Variants in AGBL4 observed in about 807,000 individuals in gnomAD.
AGBL4 encodes the protein AGBL carboxypeptidase 4.
Under a neutral mutation model 66.4 loss-of-function variants are expected in AGBL4, and 58 were observed. That is an observed-to-expected ratio of 0.87 (90% CI 0.71 to 1.09). The LOEUF is 1.09. AGBL4 is among the 50% of genes least tolerant of loss of function. The pLI is 0.00. For synonymous variants in AGBL4, 234 were observed against 222.9 expected, an observed-to-expected ratio of 1.05 and a Z score of -0.44; for missense variants, 579 against 631.0, an observed-to-expected ratio of 0.92 and a Z score of 0.88.
chr1:48,965,346 G>A (rs75607121), intron 5 of AGBL4, among the ~76,000 whole-genome samples: 1,922 of 152,212 alleles, frequency 0.013, 38 homozygotes, highest in African/African-American at 0.041. Flanking sequence ...GACATAGAGG[G>A]ATGAGGATAA....
intron 1 of AGBL4, among the ~76,000 whole-genome samples, chr1:49,973,077 C>T (rs1338095085): frequency 2.0e-5 from 3 of 152,162 alleles, no homozygotes; most frequent in Admixed American, 2.0e-4. Context: ...GTGCACAGGG[C>T]CACTGCCAGC....
At chr1:48,890,218 G>C (rs972381221) in intron 5 of AGBL4, among the ~76,000 whole-genome samples, 4 of 152,196 alleles carry the variant, frequency 2.6e-5, no homozygotes, top group African/African-American at 9.6e-5. Flanking sequence ...CTACCAAGGA[G>C]GTCCCCCTCT....
At chr1:49,304,013 T>G (rs941066205) in intron 3 of AGBL4, among the ~76,000 whole-genome samples, 3 of 152,236 alleles carry the variant, frequency 2.0e-5, no homozygotes, top group Non-Finnish European at 4.4e-5. Context: ...TTTTTGCTTT[T>G]GTTGCCATTG....
chr1:49,237,879 T>C (rs1321654690), intron 4 of AGBL4, among the ~76,000 whole-genome samples: 1 of 152,140 alleles, frequency 6.6e-6, no homozygotes, highest in Non-Finnish European at 1.5e-5. Flanking sequence ...ACCATTCTTT[T>C]AGAATAAGTC....
intron 1 of AGBL4, among the ~76,000 whole-genome samples, chr1:49,916,510 G>T (rs879939811): frequency 2.6e-5 from 4 of 152,160 alleles, no homozygotes; most frequent in Non-Finnish European, 5.9e-5. Flanking sequence ...TGAATGAAAT[G>T]AAGTGACAAG....
intron 5 of AGBL4, among the ~76,000 whole-genome samples, chr1:49,032,225 T>C (rs1664287310): frequency 6.6e-6 from 1 of 152,142 alleles, no homozygotes; most frequent in Non-Finnish European, 1.5e-5. Flanking sequence ...CAGACCATGT[T>C]AAGAATTTGA....
At chr1:49,877,165 G>C (rs1363336257) in intron 1 of AGBL4, among the ~76,000 whole-genome samples, 4 of 151,346 alleles carry the variant, frequency 2.6e-5, no homozygotes, top group Non-Finnish European at 5.9e-5. Context: ...TCTCCTGTGT[G>C]ATTGCCCTGG....
chr1:49,025,038 A>C (rs1383570606), intron 5 of AGBL4, among the ~76,000 whole-genome samples: 1 of 152,192 alleles, frequency 6.6e-6, no homozygotes, highest in Non-Finnish European at 1.5e-5. Flanking sequence ...GAAGAGTTTG[A>C]GTAACTGGCC....
intron 6 of AGBL4, among the ~76,000 whole-genome samples, chr1:48,705,488 T>G (rs1297426344): frequency 1.3e-5 from 2 of 152,242 alleles, no homozygotes; most frequent in South Asian, 4.1e-4. Context: ...ATACATTGTC[T>G]CATCTAATTC....
chr1:49,389,747 C>T (rs1029633200), intron 3 of AGBL4, among the ~76,000 whole-genome samples: 2 of 152,156 alleles, frequency 1.3e-5, no homozygotes, highest in African/African-American at 2.4e-5. Flanking sequence ...CTCTGTGGTC[C>T]TGTGCTCTTG....
intron 3 of AGBL4, among the ~76,000 whole-genome samples, chr1:49,387,962 G>C (rs889975050): frequency 1.3e-5 from 2 of 152,022 alleles, no homozygotes; most frequent in Non-Finnish European, 2.9e-5. Context: ...CAAGTTATAA[G>C]AGTCAGTTCA....
At chr1:48,934,207 T>C (rs1369017607) in intron 5 of AGBL4, among the ~76,000 whole-genome samples, 1 of 152,164 alleles carries the variant, frequency 6.6e-6, no homozygotes, top group Non-Finnish European at 1.5e-5. Context: ...GACTTAGCTT[T>C]CTGAAGAGAG....
rs1655657093 is a variant in AGBL4 at position 49,948,333 on chromosome 1, T to C, written c.34+75430A>G. On this transcript the variant is annotated intron_variant, in intron 1 of 13. Coordinates refer to ENST00000371839, the MANE Select transcript of AGBL4 (RefSeq NM_032785.4). ...ATATATATATAAATATATAAACATA[T>C]ATAAATATATAAATATATATAAATA... Among the ~76,000 whole-genome samples, 4 of 107,864 alleles carry C rather than the reference T, an allele frequency of 3.7e-5. No homozygotes were observed. In the South Asian group the frequency reaches 1.0e-3, roughly 28 times the overall value. 70.8% of individuals were successfully genotyped at this position (107,864 alleles called of 152,430 possible).
intron 5 of AGBL4, among the ~76,000 whole-genome samples, chr1:48,896,404 T>C (rs1651513494): frequency 1.3e-5 from 2 of 152,266 alleles, no homozygotes; most frequent in African/African-American, 4.8e-5. Flanking sequence ...AAGGCTGCTG[T>C]GATTAGAATT....
At chr1:49,948,337 AATATATAAAT>A (rs1218226495) in intron 1 of AGBL4, among the ~76,000 whole-genome samples, 11 of 106,474 alleles carry the variant, frequency 1.0e-4, no homozygotes, top group East Asian at 2.4e-4. Flanking sequence ...AACATATATA[AATATATAAAT>A]ATATATAAAT....
chr1:49,043,103 A>T (rs1282877099), intron 5 of AGBL4, among the ~76,000 whole-genome samples: 1 of 152,074 alleles, frequency 6.6e-6, no homozygotes, highest in East Asian at 1.9e-4. Context: ...TCATCTCAGA[A>T]TTTTTCTGAC....
chr1:49,728,844 G>A (rs1649221546), intron 2 of AGBL4, among the ~76,000 whole-genome samples: 1 of 152,112 alleles, frequency 6.6e-6, no homozygotes, highest in South Asian at 2.1e-4. Context: ...AGTCTTCAAA[G>A]GGCAGGCTTG....
rs569315689 is a variant in AGBL4, at chr1:48,541,132, C to T, written c.1268-1394G>A. On this transcript the variant is annotated intron_variant, in intron 11 of 13. Transcript: ENST00000371839. Reference sequence around the variant, plus strand: ...GCTTCTTCTGCCTCCAGGCCTGTGCCCATACATGCCATCTTTCTAGATCAC... The same window carrying T: ...GCTTCTTCTGCCTCCAGGCCTGTGCTCATACATGCCATCTTTCTAGATCAC... Among the ~76,000 whole-genome samples, 5 of 152,336 alleles carry T rather than the reference C, an allele frequency of 3.3e-5. 1 individual carries two copies. Among genetic ancestry groups the T allele is most frequent in the African/African-American group, 1.2e-4 (5 of 41,574 alleles).
At chr1:48,666,645 T>C (rs1403681349) in intron 6 of AGBL4, among the ~76,000 whole-genome samples, 1 of 152,236 alleles carries the variant, frequency 6.6e-6, no homozygotes, top group Non-Finnish European at 1.5e-5. Context: ...GCTATTATTA[T>C]TTTCATTTTA....
Sources: allele counts gnomAD v4.1 joint callset (sites outside exome capture counted in the v4.1 genomes callset), GRCh38; gene constraint gnomAD v4.1.1; transcripts MANE v1.5; gene names NCBI Gene and HGNC (gene_info 2026-07-23, HGNC 2026-07-21).